The following LRMDA variants were observed in gnomAD, a reference collection of about 807,000 sequenced individuals.
The protein encoded by LRMDA is leucine rich melanocyte differentiation associated, also known as leucine-rich melanocyte differentiation-associated protein.
A neutral mutation model predicts 29.8 loss-of-function variants in LRMDA; 18 were observed. That is an observed-to-expected ratio of 0.60 (90% CI 0.42 to 0.90). The LOEUF (loss-of-function observed/expected upper bound fraction) is 0.90, where lower values mean the gene tolerates loss of function less well. Ranked by LOEUF, LRMDA falls within the 40% of genes least tolerant of loss-of-function variation. LRMDA has a pLI of 0.00. For synonymous variants in LRMDA, 125 were observed against 109.4 expected, an observed-to-expected ratio of 1.14 and a Z score of -0.89; for missense variants, 273 against 273.9, an observed-to-expected ratio of 1.00 and a Z score of 0.02.
rs1351949976 is a variant in LRMDA at position 76,299,009 on chromosome 10, T to C, written c.517-25392T>C. Among the ~76,000 whole-genome samples, 15 of 152,336 alleles carry C rather than the reference T, an allele frequency of 9.8e-5. No individual in the cohort carries two copies. The South Asian group carries it at 2.9e-3, about 29-fold the overall frequency. The stretch of plus-strand genomic sequence containing the variant: ...TTCCATTTTCTTGATTAGAAATATT[T>C]TCTTTGACTTATTTTCCTTAGAAAA... On this transcript the variant is annotated intron_variant, in intron 5 of 6. Transcript: ENST00000611255.
At chr10:75,816,865 C>T (rs1844070188) in intron 2 of LRMDA, among the ~76,000 whole-genome samples, 1 of 152,206 alleles carries the variant, frequency 6.6e-6, no homozygotes, top group Non-Finnish European at 1.5e-5. Flanking sequence ...TTTCTCAGTA[C>T]ATTTCAGCTC....
At chr10:75,959,397 A>G (rs139944592) in intron 2 of LRMDA, among the ~76,000 whole-genome samples, 42 of 152,324 alleles carry the variant, frequency 2.8e-4, no homozygotes, top group Non-Finnish European at 4.0e-4. Context: ...TACCACATGT[A>G]TAAGTCAGAG....
intron 2 of LRMDA, among the ~76,000 whole-genome samples, chr10:75,974,177 T>C (rs768220226): frequency 1.1e-4 from 17 of 152,216 alleles, no homozygotes; most frequent in Non-Finnish European, 2.1e-4. Context: ...ATCTCTGCCA[T>C]CCACAAATGT....
At position 75,591,116 on chromosome 10, in the gene LRMDA, C is replaced by T. The variant is rs150344389; in HGVS notation, c.131+152622C>T. 9.9e-3 allele frequency among the ~76,000 whole-genome samples: 1,504 copies of T among 152,112 alleles called. 22 individuals are homozygous for T. Among genetic ancestry groups the T allele is most frequent in the African/African-American group, 0.032 (1,340 of 41,486 alleles). On this transcript the variant is annotated intron_variant, in intron 2 of 6. Transcript: ENST00000611255. ...CTGGAGCTGGGCATGGTGGCTCATG[C>T]CTATAATCCCAACACTTTAGGCAGG...
chr10:75,986,893 G>A (rs1847270941), intron 2 of LRMDA, among the ~76,000 whole-genome samples: 1 of 152,196 alleles, frequency 6.6e-6, no homozygotes, highest in Non-Finnish European at 1.5e-5. Context: ...TCACTTTACT[G>A]GTATCATCAT....
intron 5 of LRMDA, among the ~76,000 whole-genome samples, chr10:76,063,467 T>C (rs1848735221): frequency 6.6e-6 from 1 of 152,284 alleles, no homozygotes; most frequent in East Asian, 1.9e-4. Context: ...TCCACCTGAT[T>C]TTCCCATCGT....
chr10:75,493,688 G>A (rs2132062931), intron 2 of LRMDA, among the ~76,000 whole-genome samples: 1 of 152,234 alleles, frequency 6.6e-6, no homozygotes, highest in South Asian at 2.1e-4. Context: ...CTGTGGCCTT[G>A]GAATTACATG....
chr10:76,290,893 T>C (rs528522689), intron 5 of LRMDA, among the ~76,000 whole-genome samples: 9 of 152,198 alleles, frequency 5.9e-5, no homozygotes, highest in Non-Finnish European at 1.3e-4. Context: ...GTATGTGTGA[T>C]GTGAAAAAGA....
rs71024600 is a variant in LRMDA at position 76,376,865 on chromosome 10, CTTTTTTTTTTTTTTTTTTTTTT to C, written c.601+52397_601+52418del. Among the ~76,000 whole-genome samples the C allele has an allele frequency of 1.5e-4, 7 of 47,374 alleles. 1 individual carries two copies. The highest frequency in any genetic ancestry group is 8.3e-4 in the Admixed American group (3 of 3,630). The allele number at this position is 47,374 out of a possible 152,430, so 31.1% of individuals were successfully genotyped here. ...AAATGTTTGTTGGGCACTTGGAAGTCTTTTTTTTTTTTTTTTTTTTTTTTTTTTTTTTTTTTTTGAGACGTAG... is the reference window on the plus strand; with the variant it reads ...AAATGTTTGTTGGGCACTTGGAAGTCTTTTTTTTTTTTTTTTGAGACGTAG... On this transcript the variant is annotated intron_variant, in intron 6 of 6. Transcript: ENST00000611255.
chr10:76,478,237 G>A (rs1193329278), intron 6 of LRMDA, among the ~76,000 whole-genome samples: 5 of 152,122 alleles, frequency 3.3e-5, no homozygotes, highest in South Asian at 2.1e-4. Flanking sequence ...AGTAGGCGAA[G>A]GATATGAACA....
intron 6 of LRMDA, among the ~76,000 whole-genome samples, chr10:76,432,479 G>A (rs568159495): frequency 5.9e-5 from 9 of 152,152 alleles, no homozygotes; most frequent in South Asian, 2.1e-4. Context: ...TGAGCTATGC[G>A]GAATTCTAGC....
intron 2 of LRMDA, among the ~76,000 whole-genome samples, chr10:75,692,419 G>T (rs548936402): frequency 7.0e-6 from 1 of 142,190 alleles, no homozygotes; most frequent in African/African-American, 2.7e-5. Flanking sequence ...ACACATATAT[G>T]CATATATATA....
At chr10:76,429,776 G>T (rs777704076) in intron 6 of LRMDA, among the ~76,000 whole-genome samples, 1 of 152,162 alleles carries the variant, frequency 6.6e-6, no homozygotes, top group Non-Finnish European at 1.5e-5. Flanking sequence ...AGCCATGGGG[G>T]CCTGGGCAGG....
intron 2 of LRMDA, among the ~76,000 whole-genome samples, chr10:75,791,825 T>C (rs551510575): frequency 6.6e-6 from 1 of 152,010 alleles, no homozygotes; most frequent in South Asian, 2.1e-4. Flanking sequence ...GGACTTTGTT[T>C]AGTGACAAGT....
At chr10:75,795,583 C>T (rs1843639325) in intron 2 of LRMDA, among the ~76,000 whole-genome samples, 1 of 152,220 alleles carries the variant, frequency 6.6e-6, no homozygotes, top group Non-Finnish European at 1.5e-5. Flanking sequence ...TGCTCTGTTC[C>T]ATTGACCTAT....
rs866831600 is a variant in LRMDA, at chr10:75,860,646, T to C, written c.132-175362T>C. On this transcript the variant is annotated intron_variant, in intron 2 of 6. Transcript: ENST00000611255. ...ACATTATGATGTTTCTAACTCATGC[T>C]TTGAAGCCCAATGTTGCTTGTGTGA... Among the ~76,000 whole-genome samples the C allele has an allele frequency of 1.6e-4, 24 of 152,322 alleles. 2 individuals are homozygous for C. The Middle Eastern group carries it at 0.017, about 108-fold the overall frequency.
At chr10:75,967,213 T>C (rs117206720) in intron 2 of LRMDA, among the ~76,000 whole-genome samples, 1,673 of 152,330 alleles carry the variant, frequency 0.011, 15 homozygotes, top group Non-Finnish European at 0.015. Flanking sequence ...TTTTCAGGTA[T>C]GTCTAATTCA....
At chr10:76,300,885 A>T in intron 5 of LRMDA, among the ~76,000 whole-genome samples, 1 of 152,192 alleles carries the variant, frequency 6.6e-6, no homozygotes, top group Non-Finnish European at 1.5e-5. Context: ...TATCTGCCCC[A>T]CCATCTTGTT....
chr10:76,291,688 A>G (rs1331899574), intron 5 of LRMDA, among the ~76,000 whole-genome samples: 1 of 152,036 alleles, frequency 6.6e-6, no homozygotes, highest in Non-Finnish European at 1.5e-5. Context: ...ACATCCTTCT[A>G]TGTGAGATTA....
Sources: gnomAD v4.1 joint callset for allele counts (sites outside exome capture counted in the v4.1 genomes callset) on GRCh38, gnomAD v4.1.1 for gene constraint, MANE v1.5 for transcripts, NCBI Gene and HGNC (gene_info 2026-07-23, HGNC 2026-07-21) for gene names.